Variants in MBD5 observed in about 807,000 individuals in gnomAD.
MBD5 encodes the protein methyl-CpG binding domain protein 5.
MBD5 carries 13 observed loss-of-function variants against 117.3 expected under a neutral mutation model. That is an observed-to-expected ratio of 0.11 (90% CI 0.07 to 0.18). The LOEUF is 0.18. Among genes scored for constraint, MBD5 ranks in the 10% least tolerant of loss-of-function variants. The probability of loss-of-function intolerance (pLI) is 1.00; values close to 1 mark genes in which losing one functional copy is unlikely to be tolerated. For synonymous variants in MBD5, 727 were observed against 766.4 expected (o/e 0.95, Z 0.85); for missense variants, 1,879 against 2,093.8 (o/e 0.90, Z 2.00).
At chr2:148,143,487 T>A (rs1034813918) in intron 1 of MBD5, among the ~76,000 whole-genome samples, 33 of 152,222 alleles carry the variant, frequency 2.2e-4, no homozygotes, top group Non-Finnish European at 2.8e-4. Flanking sequence ...CAATTTTTTT[T>A]AATTATACTT....
At chr2:148,502,648 C>A in intron 12 of MBD5, 139 bp downstream of exon 12, 1 of 786,400 alleles carries the variant, frequency 1.3e-6, no homozygotes, top group African/African-American at 1.7e-5. Context: ...CAAAGAGGAC[C>A]ATTATAGACA....
At chr2:148,124,335 G>A (rs140238481) in intron 1 of MBD5, among the ~76,000 whole-genome samples, 1 of 151,836 alleles carries the variant, frequency 6.6e-6, no homozygotes, top group Admixed American at 6.6e-5. Context: ...AACCCTGAAG[G>A]TTGGGCACAT....
chr2:148,156,133 G>A (rs1279384965), intron 1 of MBD5, among the ~76,000 whole-genome samples: 1 of 152,212 alleles, frequency 6.6e-6, no homozygotes, highest in African/African-American at 2.4e-5. Flanking sequence ...TAAAGTATTT[G>A]GTTGATTAAA....
intron 1 of MBD5, among the ~76,000 whole-genome samples, chr2:148,177,179 C>A (rs764985025): frequency 1.6e-4 from 25 of 152,140 alleles, no homozygotes; most frequent in Non-Finnish European, 2.6e-4. Flanking sequence ...GAAATATAAT[C>A]TTAGAAAACT....
At chr2:148,363,387 C>A (rs1413211039) in intron 4 of MBD5, among the ~76,000 whole-genome samples, 1 of 152,088 alleles carries the variant, frequency 6.6e-6, no homozygotes, top group East Asian at 1.9e-4. Context: ...CGCCCGCCAC[C>A]ACGCCCGGCT....
chr2:148,217,401 C>T (rs1335381058), intron 2 of MBD5, among the ~76,000 whole-genome samples: 1 of 152,140 alleles, frequency 6.6e-6, no homozygotes, highest in Non-Finnish European at 1.5e-5. Flanking sequence ...CAGGACAGCA[C>T]AGGGTATGGA....
chr2:148,312,896 A>T (rs1334052069), intron 3 of MBD5, among the ~76,000 whole-genome samples: 1 of 152,038 alleles, frequency 6.6e-6, no homozygotes. Flanking sequence ...TTTCCTTCTA[A>T]CAGTCAGGCT....
At chr2:148,042,640 A>T (rs1164036634) in intron 1 of MBD5, among the ~76,000 whole-genome samples, 1 of 152,064 alleles carries the variant, frequency 6.6e-6, no homozygotes, top group Non-Finnish European at 1.5e-5. Context: ...TAGGAAGATG[A>T]GGAGGACCAA....
chr2:148,213,375 T>G (rs928043489), intron 2 of MBD5, among the ~76,000 whole-genome samples: 1 of 152,150 alleles, frequency 6.6e-6, no homozygotes, highest in Non-Finnish European at 1.5e-5. Context: ...AATAAAGACA[T>G]TAAAACATTC....
Position 148,483,758 on chromosome 2 carries a change from A to AG in MBD5, c.3167_3168insG (p.Asn1056LysfsTer10). 1.3e-6 allele frequency: 2 copies of AG among 1,550,490 alleles called. No homozygotes were observed. Among genetic ancestry groups the AG allele is most frequent in the Non-Finnish European group, 1.7e-6 (2 of 1,146,940 alleles). On this transcript the variant is annotated frameshift_variant, in exon 9 of 14. Transcript: ENST00000642680. LOFTEE classifies it high-confidence loss of function. ...ACCCTTTTAACCAGCCCCCTGGGGA[A>AG]CCCTTTACCAAGCTTTGCAGGCAGT...
chr2:148,250,302 G>C (rs773906453), intron 3 of MBD5, among the ~76,000 whole-genome samples: 1 of 152,038 alleles, frequency 6.6e-6, no homozygotes, highest in African/African-American at 2.4e-5. Flanking sequence ...CATACACTGG[G>C]GCCTACTTGA....
chr2:148,382,168 T>C (rs1166574220), intron 4 of MBD5, among the ~76,000 whole-genome samples: 1 of 109,802 alleles, frequency 9.1e-6, no homozygotes, highest in Non-Finnish European at 1.9e-5. Flanking sequence ...ACTGGCAAAT[T>C]GGATAGTCAA....
intron 3 of MBD5, among the ~76,000 whole-genome samples, chr2:148,319,254 A>G (rs1033268050): frequency 1.3e-5 from 2 of 152,100 alleles, no homozygotes; most frequent in African/African-American, 2.4e-5. Flanking sequence ...TTTTAGACCC[A>G]TATTAATTTT....
intron 1 of MBD5, among the ~76,000 whole-genome samples, chr2:148,106,165 A>C (rs1015826951): frequency 6.6e-6 from 1 of 152,004 alleles, no homozygotes; most frequent in African/African-American, 2.4e-5. Context: ...ATTGTTGTTC[A>C]GATCTTCTGT....
chr2:148,056,916 G>T (rs1238775941), intron 1 of MBD5, among the ~76,000 whole-genome samples: 1 of 151,604 alleles, frequency 6.6e-6, no homozygotes, highest in Non-Finnish European at 1.5e-5. Context: ...GTTGTCAAAG[G>T]ATTATTTAGA....
intron 4 of MBD5, among the ~76,000 whole-genome samples, chr2:148,450,406 T>C (rs13029160): frequency 1.3e-5 from 2 of 152,128 alleles, no homozygotes; most frequent in Non-Finnish European, 2.9e-5. Flanking sequence ...TTTAGTATGG[T>C]TTTGGCTATT....
intron 7 of MBD5, among the ~76,000 whole-genome samples, chr2:148,465,610 A>G (rs1489704898): frequency 6.6e-6 from 1 of 152,140 alleles, no homozygotes; most frequent in Non-Finnish European, 1.5e-5. Flanking sequence ...TTAGACATAT[A>G]AGAGGGATAG....
At chr2:148,450,216 T>A (rs1048732161) in intron 4 of MBD5, among the ~76,000 whole-genome samples, 3 of 152,132 alleles carry the variant, frequency 2.0e-5, no homozygotes, top group Non-Finnish European at 4.4e-5. Flanking sequence ...TCCTATATGG[T>A]TATAATCTCC....
intron 3 of MBD5, among the ~76,000 whole-genome samples, chr2:148,266,246 A>T (rs1210381468): frequency 6.6e-6 from 1 of 152,124 alleles, no homozygotes; most frequent in Non-Finnish European, 1.5e-5. Context: ...TCTTTTTAAA[A>T]ATCTATCAGT....
Sources: gnomAD v4.1 joint callset for allele counts (sites outside exome capture counted in the v4.1 genomes callset) on GRCh38, gnomAD v4.1.1 for gene constraint, MANE v1.5 for transcripts, NCBI Gene and HGNC (gene_info 2026-07-23, HGNC 2026-07-21) for gene names.